Variants in MUC6 observed in about 807,000 individuals in gnomAD.
The protein encoded by MUC6 is mucin 6, oligomeric mucus/gel-forming (gene/pseudogene).
In MUC6, 188 loss-of-function variants were observed where a neutral mutation model predicts 201.5. That is an observed-to-expected ratio of 0.93 (90% CI 0.83 to 1.05). MUC6 has a LOEUF of 1.05. MUC6 is among the 50% of genes least tolerant of loss of function. MUC6 has a pLI of 0.00. For synonymous variants in MUC6, 1,228 were observed against 1,389.4 expected (o/e 0.88, Z 2.58); for missense variants, 2,706 against 3,256.9 (o/e 0.83, Z 4.12).
intron 2 of MUC6, 139 bp from the exon 3 acceptor site, chr11:1,032,192 C>A: frequency 8.5e-7 from 1 of 1,176,746 alleles, no homozygotes; most frequent in South Asian, 1.5e-5. Context: ...CCCAGACATC[C>A]GATGAACCTG....
rs745682515 is a variant in MUC6, at chr11:1,026,117, G to T, written c.2571C>A (p.Ala857=). 7 of 1,599,270 alleles carry T rather than the reference G, an allele frequency of 4.4e-6. No individual in the cohort carries two copies. Among genetic ancestry groups the T allele is most frequent in the Non-Finnish European group, 6.0e-6 (7 of 1,174,028 alleles). ...ATGGGCAGTGGGTGCCCTGCTGACA[G>T]GCCCACCTCCCCCTTGAGCAGGAGC... ...RTCSCSRGRW[A]CQQGTHCPST... is the part of the protein sequence containing the mutation. Residue 857 remains alanine (A), a synonymous_variant, in exon 21 of 33, where the codon GCC becomes GCA. Coordinates refer to ENST00000421673, the MANE Select transcript of MUC6 (RefSeq NM_005961.3).
In MUC6 at chr11:1,018,740, G is replaced by C; in HGVS notation, c.4061C>G (p.Thr1354Arg). ...TGGGCCTGTCGTCTGGGTGGCCGTT[G>C]TTCCTGGCAGTTCCTGATTGGTCGA... ...PKSTNQELPG[T>R]TATQTTGPRP... The change falls in exon 31 of 33, where the codon ACA becomes AGA. Residue 1354 changes from threonine to arginine, a missense_variant. Physicochemically the swap from Thr to Arg is moderately conservative, Grantham distance 71. Transcript: ENST00000421673. 1 of 1,572,354 alleles carries C rather than the reference G, an allele frequency of 6.4e-7. No homozygotes were observed. Among genetic ancestry groups the C allele is most frequent in the Non-Finnish European group, 8.6e-7 (1 of 1,163,598 alleles).
chr11:1,034,416 G>A (rs1317348756), intron 1 of MUC6, among the ~76,000 whole-genome samples: 2 of 152,206 alleles, frequency 1.3e-5, no homozygotes, highest in Admixed American at 1.3e-4. Context: ...CCCTCCTGGG[G>A]GTCCCAGTAG....
chr11:1,021,694 C>T (rs749590767), intron 26 of MUC6, among the ~76,000 whole-genome samples: 108 of 152,134 alleles, frequency 7.1e-4, no homozygotes, highest in Admixed American at 1.8e-3. Flanking sequence ...CCTGCCATGC[C>T]TTCCTCAGGC....
chr11:1,030,830 C>T lies in MUC6; in HGVS notation c.685-50G>A, dbSNP rs1203708794. The T allele has an allele frequency of 2.6e-6, 4 of 1,527,504 alleles. No individual in the cohort carries two copies. In the South Asian group the frequency reaches 3.6e-5, roughly 14 times the overall value. 94.6% of individuals were successfully genotyped at this position (1,527,504 alleles called of 1,614,324 possible). On this transcript the variant is annotated intron_variant, in intron 6 of 32. Coordinates refer to ENST00000421673, the MANE Select transcript of MUC6 (RefSeq NM_005961.3). Reference sequence around the variant, plus strand: ...GGGGCAAAGGCCACACCCCATGCCACCACGACTGGGGAGGTCGGGCAGGGC... The same window carrying T: ...GGGGCAAAGGCCACACCCCATGCCATCACGACTGGGGAGGTCGGGCAGGGC...
At chr11:1,023,165 ATG>A (rs1402020215) in intron 26 of MUC6, among the ~76,000 whole-genome samples, 43 of 151,860 alleles carry the variant, frequency 2.8e-4, no homozygotes, top group African/African-American at 7.0e-4. Flanking sequence ...GCGTGAATGA[ATG>A]TGCATGAATC....
chr11:1,016,111 A>G lies in MUC6; in HGVS notation c.6690T>C (p.Thr2230=), dbSNP rs372639868. Residue 2230 remains threonine (T), a synonymous_variant, in exon 31 of 33, where the codon ACT becomes ACC. Transcript: ENST00000421673. ...FTLSALLPIS[T]VTVSPTPSSH... ...TGGATGGGGTGGGAGACACGGTAAC[A>G]GTGGATATGGGGAGTAGAGCAGAGA... 6.2e-6 allele frequency: 10 copies of G among 1,613,410 alleles called. No individual in the cohort carries two copies. The highest frequency in any genetic ancestry group is 7.6e-6 in the Non-Finnish European group (9 of 1,179,616).
intron 27 of MUC6, 104 bp from the exon 28 acceptor site, chr11:1,020,838 G>A (rs1233491132): frequency 1.4e-6 from 2 of 1,413,886 alleles, no homozygotes; most frequent in African/African-American, 1.4e-5. Context: ...CACCAAGGCT[G>A]TGGTGGAGGG....
At chr11:1,032,674 T>C (rs1857135354) in intron 2 of MUC6, among the ~76,000 whole-genome samples, 1 of 150,910 alleles carries the variant, frequency 6.6e-6, no homozygotes, top group African/African-American at 2.4e-5. Flanking sequence ...GTGTTGGGTG[T>C]GTGTGCATGT....
intron 24 of MUC6, among the ~76,000 whole-genome samples, chr11:1,024,633 G>A (rs750094311): frequency 1.6e-4 from 25 of 152,324 alleles, no homozygotes; most frequent in Non-Finnish European, 3.5e-4. Flanking sequence ...GTGGGTGGAG[G>A]CCGGGGGGCT....
At chr11:1,035,948 C>T (rs576705749) in intron 1 of MUC6, among the ~76,000 whole-genome samples, 2 of 152,232 alleles carry the variant, frequency 1.3e-5, no homozygotes, top group South Asian at 2.1e-4. Flanking sequence ...TGGGGAGGGA[C>T]TGATGGTCAC....
chr11:1,027,743 G>C lies in MUC6; in HGVS notation c.1923C>G (p.His641Gln). 6.2e-7 allele frequency: 1 copy of C among 1,609,354 alleles called. No homozygotes were observed. The highest frequency in any genetic ancestry group is 8.5e-7 in the Non-Finnish European group (1 of 1,178,482). The change falls in exon 16 of 33, where the codon CAC becomes CAG. Residue 641 changes from histidine (H) to glutamine (Q), a missense_variant. Physicochemically the swap from His to Gln is conservative, Grantham distance 24. Coordinates refer to ENST00000421673, the MANE Select transcript of MUC6 (RefSeq NM_005961.3). Reference protein sequence around the residue: ...HICAALGDYVHACSLRGVLLW... With the variant: ...HICAALGDYVQACSLRGVLLW... ...GCAGGACGCCCCGCAAGGAGCAGGCGTGTACGTAGTCGCCCAGGGCGGCAC... is the reference window on the plus strand; with the variant it reads ...GCAGGACGCCCCGCAAGGAGCAGGCCTGTACGTAGTCGCCCAGGGCGGCAC...
chr11:1,020,327 C>T, intron 28 of MUC6, 70 bp from the exon 29 acceptor site: 1 of 1,516,310 alleles, frequency 6.6e-7, no homozygotes, highest in Non-Finnish European at 8.8e-7. Context: ...CTCCCCTCTG[C>T]CTGCTTGGCC....
chr11:1,027,320 C>T lies in MUC6; in HGVS notation c.2179G>A (p.Gly727Ser), dbSNP rs374961656. 1.9e-6 allele frequency: 3 copies of T among 1,612,974 alleles called. No individual in the cohort carries two copies. Among genetic ancestry groups the T allele is most frequent in the Non-Finnish European group, 2.5e-6 (3 of 1,179,840 alleles). ...RKAQCPCILE[G>S]YKFILAEQST... ...TGCTCGGCCAGGATGAACTTGTAACCCTCCAGTATGCACGGGCACTGGGCC... is the reference window on the plus strand; with the variant it reads ...TGCTCGGCCAGGATGAACTTGTAACTCTCCAGTATGCACGGGCACTGGGCC... The change falls in exon 17 of 33, where the codon GGT (glycine) becomes AGT (serine). Residue 727 changes from glycine (G) to serine (S), a missense_variant. Physicochemically the swap from Gly to Ser is moderately conservative, Grantham distance 56 (BLOSUM62 0). Transcript: ENST00000421673.
chr11:1,031,033 A>G lies in MUC6; in HGVS notation c.598T>C (p.Phe200Leu). ...TCGTCCAGCTTCTGGAGGGCAGCAA[A>G]CTTGTGGGGTTCCAGGAACTTGCCT... ...EEGKFLEPHK[F>L]AALQKLDDPG... Residue 200 changes from phenylalanine to leucine, a missense_variant, in exon 6 of 33, where the codon TTT (phenylalanine) becomes CTT (leucine). Coordinates refer to ENST00000421673, the MANE Select transcript of MUC6 (RefSeq NM_005961.3). 6.4e-7 allele frequency: 1 copy of G among 1,574,598 alleles called. No homozygotes were observed. The highest frequency in any genetic ancestry group is 2.3e-5 in the East Asian group (1 of 43,216).
rs774487013 is a variant in MUC6 at position 1,028,778 on chromosome 11, T to A, written c.1459A>T (p.Ile487Phe). The change falls in exon 13 of 33, where the codon ATC becomes TTC. Residue 487 changes from isoleucine (I) to phenylalanine (F), a missense_variant. This residue lies in a region of MUC6 where 1,850 missense variants were observed against 1,958.3 expected (regional missense o/e 0.94). Transcript: ENST00000421673. ...AKWLPYKTRN[I>F]TVFRQTSTHL... The stretch of plus-strand genomic sequence containing the variant: ...GTGGACGTCTGCCTGAAGACCGTGA[T>A]GTTGCCTGCAGGACGCAGTGCTCAG... 1 of 1,610,928 alleles carries A rather than the reference T, an allele frequency of 6.2e-7. No homozygotes were observed. The highest frequency in any genetic ancestry group is 8.5e-7 in the Non-Finnish European group (1 of 1,179,738).
rs1462295087 is a variant in MUC6 at position 1,024,883 on chromosome 11, G to A, written c.3186C>T (p.Ser1062=). ...TGGCAAAGGTCTGGCTGTTGATGAC[G>A]CTGCACTTGCGCTCGGCCCAGGAGC... is the stretch of plus-strand genomic sequence containing the variant. The part of the protein sequence containing the change: ...FRRSWAERKC[S]VINSQTFATC... The change falls in exon 24 of 33, where the codon AGC becomes AGT. Residue 1062 remains serine, a synonymous_variant. Coordinates refer to ENST00000421673, the MANE Select transcript of MUC6 (RefSeq NM_005961.3). The A allele has an allele frequency of 1.3e-5, 21 of 1,612,386 alleles. No homozygotes were observed. In the Admixed American group the frequency reaches 1.5e-4, roughly 12 times the overall value.
intron 29 of MUC6, 71 bp from the exon 30 acceptor site, chr11:1,019,567 C>G: frequency 7.2e-7 from 1 of 1,389,492 alleles, no homozygotes; most frequent in Non-Finnish European, 1.0e-6. Flanking sequence ...GTCCCAGCCC[C>G]CTGCCCTGCT....
intron 24 of MUC6, 56 bp downstream of exon 24, chr11:1,024,788 C>T (rs1250449947): frequency 1.9e-6 from 3 of 1,572,888 alleles, no homozygotes; most frequent in African/African-American, 1.3e-5. Context: ...CCTTCCCCCG[C>T]CCCCACCGGA....
Sources: gnomAD v4.1 joint callset for allele counts (sites outside exome capture counted in the v4.1 genomes callset) on GRCh38, gnomAD v4.1.1 for gene constraint, gnomAD v4.1.1 regional missense constraint, MANE v1.5 for transcripts, NCBI Gene and HGNC (gene_info 2026-07-23, HGNC 2026-07-21) for gene names.